CGNL1: variants seen among roughly 807,000 people sequenced by gnomAD.
CGNL1 encodes the protein cingulin-like protein 1.
CGNL1 carries 132 observed loss-of-function variants against 141.2 expected under a neutral mutation model. That is an observed-to-expected ratio of 0.93 (90% CI 0.81 to 1.08). CGNL1 has a LOEUF of 1.08. Among genes scored for constraint, CGNL1 ranks in the 50% least tolerant of loss-of-function variants. The pLI is 0.00. For missense variants in CGNL1, 1,870 were observed against 1,588.6 expected (o/e 1.18, Z -3.01); for synonymous variants, 690 against 622.1 (o/e 1.11, Z -1.63).
At chr15:57,480,346 T>C (rs1462813768) in intron 8 of CGNL1, among the ~76,000 whole-genome samples, 5 of 135,450 alleles carry the variant, frequency 3.7e-5, no homozygotes, top group Non-Finnish European at 6.0e-5. Context: ...AGTAAAACCC[T>C]GTCTCTACTT....
rs74586091 is a variant in CGNL1 at position 57,434,881 on chromosome 15, G to C, written c.-15-3104G>C. On this transcript the variant is annotated intron_variant, in intron 1 of 18. Transcript: ENST00000281282. ...AGGACTTTTTCTTAGAAAACTACTG[G>C]AAGTGTCTTCTATCAGACCAATTGG... Among the ~76,000 whole-genome samples, 1,073 of 152,194 alleles carry C rather than the reference G, an allele frequency of 7.1e-3. 13 individuals carry two copies. Among genetic ancestry groups the C allele is most frequent in the African/African-American group, 0.024 (1,001 of 41,536 alleles).
chr15:57,421,060 G>T (rs1253954255), intron 1 of CGNL1, among the ~76,000 whole-genome samples: 2 of 152,160 alleles, frequency 1.3e-5, no homozygotes, highest in African/African-American at 4.8e-5. Flanking sequence ...TCATGAGGAT[G>T]GGGCCCTTAA....
At chr15:57,535,938 A>G (rs1403626363) in intron 14 of CGNL1, among the ~76,000 whole-genome samples, 4 of 152,162 alleles carry the variant, frequency 2.6e-5, no homozygotes, top group Admixed American at 2.6e-4. Flanking sequence ...CACTCACTAA[A>G]TGCTGGCCAT....
At chr15:57,427,647 T>G (rs2062993477) in intron 1 of CGNL1, among the ~76,000 whole-genome samples, 1 of 152,240 alleles carries the variant, frequency 6.6e-6, no homozygotes, top group African/African-American at 2.4e-5. Context: ...AAGAGATACT[T>G]TGCTGAAAGC....
intron 1 of CGNL1, among the ~76,000 whole-genome samples, chr15:57,392,396 G>T (rs2062553435): frequency 6.6e-6 from 1 of 152,076 alleles, no homozygotes; most frequent in Non-Finnish European, 1.5e-5. Context: ...ATCTCTTTTG[G>T]TACCTGGCAC....
At chr15:57,428,894 G>A (rs1313163623) in intron 1 of CGNL1, among the ~76,000 whole-genome samples, 15 of 152,082 alleles carry the variant, frequency 9.9e-5, no homozygotes, top group African/African-American at 3.4e-4. Flanking sequence ...GTGGCGACAT[G>A]TGCCTGTAAT....
chr15:57,521,564 A>G (rs2031255859), intron 10 of CGNL1, among the ~76,000 whole-genome samples: 1 of 152,232 alleles, frequency 6.6e-6, no homozygotes, highest in Non-Finnish European at 1.5e-5. Flanking sequence ...ACCTTGCAAA[A>G]GAGGCAAGCA....
intron 4 of CGNL1, among the ~76,000 whole-genome samples, chr15:57,446,384 T>C (rs776823603): frequency 6.6e-6 from 1 of 152,308 alleles, no homozygotes; most frequent in Non-Finnish European, 1.5e-5. Context: ...TCCCCCTTCC[T>C]TCTGGGGGTG....
chr15:57,486,462 T>C (rs2063786659), intron 8 of CGNL1, among the ~76,000 whole-genome samples: 2 of 152,182 alleles, frequency 1.3e-5, no homozygotes, highest in African/African-American at 2.4e-5. Context: ...TTATAAACTG[T>C]TCTTATCACC....
intron 10 of CGNL1, among the ~76,000 whole-genome samples, chr15:57,520,006 C>T (rs1028481576): frequency 6.6e-6 from 1 of 152,200 alleles, no homozygotes; most frequent in African/African-American, 2.4e-5. Context: ...CCCACCCACC[C>T]CCATCTGTGG....
At chr15:57,483,074 A>T (rs1433190884) in intron 8 of CGNL1, among the ~76,000 whole-genome samples, 1 of 152,220 alleles carries the variant, frequency 6.6e-6, no homozygotes, top group Non-Finnish European at 1.5e-5. Context: ...GGAGTGAGCC[A>T]CTGCGCCTGG....
chr15:57,481,252 A>C (rs148131677), intron 8 of CGNL1, among the ~76,000 whole-genome samples: 11 of 152,176 alleles, frequency 7.2e-5, no homozygotes, highest in African/African-American at 2.4e-4. Context: ...TAGCATGACC[A>C]GGATACTGAC....
chr15:57,526,421 CA>C (rs1200937437), intron 12 of CGNL1, among the ~76,000 whole-genome samples: 4 of 151,850 alleles, frequency 2.6e-5, no homozygotes, highest in Admixed American at 1.3e-4. Flanking sequence ...AACTCAGGCT[CA>C]ACTCTGTTCA....
At chr15:57,511,874 T>C (rs1392941030) in intron 8 of CGNL1, among the ~76,000 whole-genome samples, 1 of 152,216 alleles carries the variant, frequency 6.6e-6, no homozygotes, top group African/African-American at 2.4e-5. Context: ...AGACATCACG[T>C]AGGTGGTAAG....
intron 8 of CGNL1, among the ~76,000 whole-genome samples, chr15:57,502,217 T>C (rs1202837948): frequency 6.6e-6 from 1 of 152,110 alleles, no homozygotes; most frequent in East Asian, 1.9e-4. Context: ...TTTGGAAGGC[T>C]CTCGTTTGGA....
intron 1 of CGNL1, among the ~76,000 whole-genome samples, chr15:57,435,407 G>GGTTTTTTTTTT (rs1291475942): frequency 1.0e-5 from 1 of 96,864 alleles, no homozygotes; most frequent in Non-Finnish European, 2.3e-5. Flanking sequence ...AAATTTGCAG[G>GGTTTTTTTTTT]TTTTTTTGTT....
chr15:57,398,976 G>A (rs989491440), intron 1 of CGNL1, among the ~76,000 whole-genome samples: 8 of 151,994 alleles, frequency 5.3e-5, no homozygotes, highest in Admixed American at 3.9e-4. Context: ...CTTTCCTTTT[G>A]AGTTGGCACA....
At position 57,485,700 on chromosome 15, in the gene CGNL1, T is replaced by C. The variant is rs116752386; in HGVS notation, c.2403+23808T>C. ...TAGAAAAAGCTTGCTTTAAATTAAATTGAACAATGCATAAGAGTATAGAGT... is the reference window on the plus strand; with the variant it reads ...TAGAAAAAGCTTGCTTTAAATTAAACTGAACAATGCATAAGAGTATAGAGT... On this transcript the variant is annotated intron_variant, in intron 8 of 18. Coordinates refer to ENST00000281282, the MANE Select transcript of CGNL1 (RefSeq NM_032866.5). 7.8e-3 allele frequency among the ~76,000 whole-genome samples: 1,186 copies of C among 152,330 alleles called. 17 individuals are homozygous for C. Among genetic ancestry groups the C allele is most frequent in the African/African-American group, 0.027 (1,106 of 41,572 alleles).
At chr15:57,536,613 AGTTGCTGGCGTTTGGTCT>A (rs1312386234) in intron 14 of CGNL1, among the ~76,000 whole-genome samples, 1 of 152,204 alleles carries the variant, frequency 6.6e-6, no homozygotes, top group Non-Finnish European at 1.5e-5. Context: ...AAGAAGTTGA[AGTTGCTGGCGTTTGGTCT>A]GTTTAAATCC....
Sources: gnomAD v4.1 joint callset for allele counts (sites outside exome capture counted in the v4.1 genomes callset) on GRCh38, gnomAD v4.1.1 for gene constraint, MANE v1.5 for transcripts, NCBI Gene and HGNC (gene_info 2026-07-23, HGNC 2026-07-21) for gene names.